The following VKORC1L1 variants were observed in gnomAD, a reference collection of about 807,000 sequenced individuals.
The protein encoded by VKORC1L1 is vitamin K epoxide reductase complex subunit 1L1, also known as vitamin K epoxide reductase complex subunit 1-like protein 1.
VKORC1L1 carries 2 observed loss-of-function variants against 18.9 expected under a neutral mutation model. That is an observed-to-expected ratio of 0.11 (90% CI 0.04 to 0.33). The LOEUF (loss-of-function observed/expected upper bound fraction) is 0.33. VKORC1L1 is among the 10% of genes least tolerant of loss of function. The probability of loss-of-function intolerance (pLI) is 1.00; values close to 1 mark genes in which losing one functional copy is unlikely to be tolerated. For missense variants in VKORC1L1, 123 were observed against 224.1 expected (o/e 0.55, Z 2.88); for synonymous variants, 96 against 100.0 (o/e 0.96, Z 0.24).
the VKORC1L1 span, among the ~76,000 whole-genome samples, chr7:65,867,806 C>T: frequency 2.6e-5 from 4 of 152,152 alleles, no homozygotes; most frequent in Admixed American, 2.6e-4. Context: ...GAGCACAGAC[C>T]TGACCTCACC....
upstream of VKORC1L1, among the ~76,000 whole-genome samples, chr7:65,870,374 G>C (rs1788711817): frequency 6.6e-6 from 1 of 151,984 alleles, no homozygotes. Flanking sequence ...AGGTTGCAGT[G>C]AGTCGAGATT....
chr7:65,933,072 C>T (rs972642233), intron 1 of VKORC1L1, among the ~76,000 whole-genome samples: 9 of 126,708 alleles, frequency 7.1e-5, no homozygotes, highest in Non-Finnish European at 1.1e-4. Flanking sequence ...AATAAGACTT[C>T]GTCTCAAAAA....
chr7:65,874,259 A>C (rs1281222648), intron 1 of VKORC1L1, among the ~76,000 whole-genome samples: 1 of 152,144 alleles, frequency 6.6e-6, no homozygotes, highest in East Asian at 1.9e-4. Context: ...TCAGTGTGCC[A>C]GGAGAAGGAA....
At chr7:65,913,877 T>C (rs1477081002) in intron 1 of VKORC1L1, among the ~76,000 whole-genome samples, 1 of 152,068 alleles carries the variant, frequency 6.6e-6, no homozygotes, top group Non-Finnish European at 1.5e-5. Context: ...GTGTGGCTTT[T>C]TGTGCCAAAA....
chr7:65,886,738 C>T (rs1196856935), intron 1 of VKORC1L1, among the ~76,000 whole-genome samples: 1 of 150,818 alleles, frequency 6.6e-6, no homozygotes, highest in African/African-American at 2.4e-5. Flanking sequence ...GGGGTTTCAC[C>T]GTGTTAGCCA....
intron 1 of VKORC1L1, among the ~76,000 whole-genome samples, chr7:65,919,356 A>G (rs1195971516): frequency 6.6e-6 from 1 of 152,180 alleles, no homozygotes; most frequent in Admixed American, 6.5e-5. Context: ...TTAACTTGCA[A>G]ATTCATATAT....
At chr7:65,896,091 C>T (rs181218123) in intron 1 of VKORC1L1, among the ~76,000 whole-genome samples, 3 of 149,384 alleles carry the variant, frequency 2.0e-5, no homozygotes, top group East Asian at 2.0e-4. Context: ...GTAGTAGAGC[C>T]GGGGGTTTCA....
chr7:65,933,766 A>T (rs1047424041), intron 1 of VKORC1L1, among the ~76,000 whole-genome samples: 4 of 151,738 alleles, frequency 2.6e-5, no homozygotes, highest in Non-Finnish European at 2.9e-5. Context: ...TGCCTTTTAG[A>T]TATTGGTATT....
chr7:65,880,572 G>T (rs1336732455), intron 1 of VKORC1L1, among the ~76,000 whole-genome samples: 1 of 152,172 alleles, frequency 6.6e-6, no homozygotes, highest in East Asian at 1.9e-4. Flanking sequence ...TTCGGAGGGA[G>T]GCCTTGTCGT....
chr7:65,894,444 C>T (rs1341492520), intron 1 of VKORC1L1, among the ~76,000 whole-genome samples: 1 of 152,068 alleles, frequency 6.6e-6, no homozygotes, highest in Non-Finnish European at 1.5e-5. Flanking sequence ...GGAAAAAATT[C>T]TACTTAGAAA....
At chr7:65,900,888 T>C (rs1197589934) in intron 1 of VKORC1L1, among the ~76,000 whole-genome samples, 4 of 152,130 alleles carry the variant, frequency 2.6e-5, no homozygotes, top group Admixed American at 6.6e-5. Context: ...TTCACCCTTT[T>C]CCCCTCTGTG....
At chr7:65,879,582 G>A (rs1389390636) in intron 1 of VKORC1L1, among the ~76,000 whole-genome samples, 1 of 152,138 alleles carries the variant, frequency 6.6e-6, no homozygotes, top group East Asian at 1.9e-4. Context: ...AGGTAGTACA[G>A]TGGCAGAGGC....
intron 1 of VKORC1L1, among the ~76,000 whole-genome samples, chr7:65,884,915 TCTC>T (rs1340024439): frequency 6.6e-6 from 1 of 152,216 alleles, no homozygotes; most frequent in African/African-American, 2.4e-5. Context: ...CTGTGTTTCT[TCTC>T]CTGCCTGGAT....
chr7:65,922,478 T>A (rs781275596), intron 1 of VKORC1L1, among the ~76,000 whole-genome samples: 8 of 152,134 alleles, frequency 5.3e-5, no homozygotes, highest in African/African-American at 9.7e-5. Context: ...GAGACGGGGC[T>A]TTGCCACATT....
intron 1 of VKORC1L1, among the ~76,000 whole-genome samples, chr7:65,878,627 G>T (rs1788871046): frequency 6.6e-6 from 1 of 152,064 alleles, no homozygotes; most frequent in African/African-American, 2.4e-5. Flanking sequence ...ATTCTTGGCT[G>T]GACGCAGTGG....
intron 1 of VKORC1L1, among the ~76,000 whole-genome samples, chr7:65,893,958 C>CT (rs869165378): frequency 1.0e-3 from 146 of 145,092 alleles, no homozygotes; most frequent in Middle Eastern, 3.6e-3. Context: ...GAATAATTGA[C>CT]TTTTTTTTTT....
intron 1 of VKORC1L1, among the ~76,000 whole-genome samples, chr7:65,917,064 G>A (rs62470895): frequency 0.037 from 5,676 of 152,026 alleles, 161 homozygotes; most frequent in East Asian, 0.09. Flanking sequence ...AGCATATCAC[G>A]TAATTAGTCA....
chr7:65,932,347 C>A (rs1789872085), intron 1 of VKORC1L1, among the ~76,000 whole-genome samples: 2 of 152,194 alleles, frequency 1.3e-5, no homozygotes, highest in African/African-American at 4.8e-5. Context: ...ATCCATCCAC[C>A]TTGGCCTCCC....
chr7:65,920,260 T>C (rs190713670), intron 1 of VKORC1L1, among the ~76,000 whole-genome samples: 1 of 152,292 alleles, frequency 6.6e-6, no homozygotes, highest in East Asian at 1.9e-4. Context: ...CTCGTCTCTC[T>C]CTCCATGAGA....
Sources: gnomAD v4.1 joint callset for allele counts (sites outside exome capture counted in the v4.1 genomes callset) on GRCh38, gnomAD v4.1.1 for gene constraint, MANE v1.5 for transcripts, NCBI Gene and HGNC (gene_info 2026-07-23, HGNC 2026-07-21) for gene names.